ZNF662: variants seen among roughly 807,000 people sequenced by gnomAD.
ZNF662 encodes zinc finger protein 662.
A neutral mutation model predicts 12.4 loss-of-function variants in ZNF662; 14 were observed. That is an observed-to-expected ratio of 1.13 (90% CI 0.75 to 1.77). ZNF662 has a LOEUF of 1.77. Among genes scored for constraint, ZNF662 ranks in the 40% most tolerant of loss-of-function variants. The probability of loss-of-function intolerance (pLI) is 0.00; values close to 1 mark genes in which losing one functional copy is unlikely to be tolerated. For synonymous variants in ZNF662, 184 were observed against 176.4 expected (o/e 1.04, Z -0.34); for missense variants, 550 against 515.6 (o/e 1.07, Z -0.65).
In ZNF662 at chr3:42,917,593, T is replaced by A; in HGVS notation, c.*2239T>A. ...GACCAAGCTTTACCTGAAGCAGAGC[T>A]ACCTCAGAACTTTTCAGCTATGTGA... On this transcript the variant is annotated 3_prime_UTR_variant, in exon 5 of 5. Coordinates refer to ENST00000440367, the MANE Select transcript of ZNF662 (RefSeq NM_207404.4). 1.4e-6 allele frequency: 1 copy of A among 699,140 alleles called. No homozygotes were observed. Among genetic ancestry groups the A allele is most frequent in the Non-Finnish European group, 2.6e-6 (1 of 384,034 alleles). The allele number at this position is 699,140 out of a possible 1,614,324, so 43.3% of individuals were successfully genotyped here. A position where few individuals can be genotyped will look rare whatever the true frequency, so the allele number is the denominator to read the frequency against.
rs2088722290 is a variant in ZNF662 at position 42,908,792 on chromosome 3, G to A, written c.35-1G>A. ...GCCTGTCCCATTTCTTTCCTTTTAA[G>A]CAGCATTTCCATTTCCCAAACCGGC... On this transcript the variant is annotated splice_acceptor_variant, in intron 2 of 4. Transcript: ENST00000440367. LOFTEE classifies it high-confidence loss of function. 6.2e-7 allele frequency: 1 copy of A among 1,613,728 alleles called. No homozygotes were observed. The highest frequency in any genetic ancestry group is 8.5e-7 in the Non-Finnish European group (1 of 1,179,744).
intron 3 of ZNF662, 146 bp downstream of exon 3, chr3:42,909,055 CT>C (rs950185721): frequency 5.6e-6 from 3 of 537,894 alleles, no homozygotes; most frequent in Admixed American, 3.8e-5. Flanking sequence ...TTTATGTCTT[CT>C]TTTTTTAAAA....
intron 2 of ZNF662, 35 bp from the exon 3 acceptor site, chr3:42,908,758 C>T (rs1038897015): frequency 3.8e-6 from 6 of 1,599,022 alleles, no homozygotes; most frequent in Non-Finnish European, 5.1e-6. Context: ...TGTGCCATGC[C>T]ACTCACCTGC....
At position 42,906,660 on chromosome 3, in the gene ZNF662, CAG is replaced by C. The variant is rs2088684206; in HGVS notation, c.-94+495_-94+496del. Among the ~76,000 whole-genome samples, 1 of 151,822 alleles carries C rather than the reference CAG, an allele frequency of 6.6e-6. No individual in the cohort carries two copies. The highest frequency in any genetic ancestry group is 2.4e-5 in the African/African-American group (1 of 41,422). ...GAGCCGACTGCTGGGGCAGAGCGCA[CAG>C]AGTGCTGTCGGGGGCGATGAATGGC... On this transcript the variant is annotated intron_variant, in intron 1 of 4. Coordinates refer to ENST00000440367, the MANE Select transcript of ZNF662 (RefSeq NM_207404.4). The surrounding 1 kb of genome is among the most constrained non-coding windows in gnomAD (Gnocchi z 4.4).
chr3:42,910,168 C>T (rs141131042), intron 3 of ZNF662, among the ~76,000 whole-genome samples: 2 of 152,180 alleles, frequency 1.3e-5, no homozygotes, highest in South Asian at 2.1e-4. Flanking sequence ...CCGGCCAACA[C>T]GGCCAAACCC....
chr3:42,917,809 C>T lies in ZNF662; in HGVS notation c.*2455C>T, dbSNP rs1255273887. 1.3e-5 allele frequency among the ~76,000 whole-genome samples: 2 copies of T among 152,172 alleles called. No individual in the cohort carries two copies. The highest frequency in any genetic ancestry group is 2.9e-5 in the Non-Finnish European group (2 of 68,026). On this transcript the variant is annotated 3_prime_UTR_variant, in exon 5 of 5. Coordinates refer to ENST00000440367, the MANE Select transcript of ZNF662 (RefSeq NM_207404.4). ...TCTCAGTTGCTTGGAAGTTGAGCAT[C>T]TAAATAGGTGGCTTTTGCTGGGTGC...
chr3:42,910,914 G>C (rs1195068884), intron 3 of ZNF662, among the ~76,000 whole-genome samples: 3 of 152,170 alleles, frequency 2.0e-5, no homozygotes, highest in African/African-American at 7.2e-5. Flanking sequence ...TCATGTAACT[G>C]GGAAGTCTGA....
In ZNF662 at chr3:42,906,439, C is replaced by CG. The variant is rs1559379368; in HGVS notation, c.-94+274dup. ...ACAGCCCGCGCTGCCCCGGGCGCGC[C>CG]GGGTGAGTGCGGGGCCGGAGCCTGG... On this transcript the variant is annotated intron_variant, in intron 1 of 4. Coordinates refer to ENST00000440367, the MANE Select transcript of ZNF662 (RefSeq NM_207404.4). The surrounding 1 kb of genome is among the most constrained non-coding windows in gnomAD (Gnocchi z 4.4). 6.9e-7 allele frequency: 1 copy of CG among 1,455,724 alleles called. No homozygotes were observed. Among genetic ancestry groups the CG allele is most frequent in the Non-Finnish European group, 9.0e-7 (1 of 1,109,272 alleles). The allele number at this position is 1,455,724 out of a possible 1,614,324, so 90.2% of individuals were successfully genotyped here.
intron 3 of ZNF662, among the ~76,000 whole-genome samples, chr3:42,909,272 C>T (rs927428174): frequency 6.6e-6 from 1 of 151,996 alleles, no homozygotes; most frequent in Non-Finnish European, 1.5e-5. Flanking sequence ...TGACTCTTAA[C>T]GAGCATGCTT....
chr3:42,906,434 C>A lies in ZNF662; in HGVS notation c.-94+266C>A, dbSNP rs1334104943. The A allele has an allele frequency of 2.7e-6, 4 of 1,466,600 alleles. No individual in the cohort carries two copies. Among genetic ancestry groups the A allele is most frequent in the African/African-American group, 2.9e-5 (2 of 68,082 alleles). 90.8% of individuals were successfully genotyped at this position (1,466,600 alleles called of 1,614,324 possible). The stretch of plus-strand genomic sequence containing the variant: ...CCGGGACAGCCCGCGCTGCCCCGGG[C>A]GCGCCGGGTGAGTGCGGGGCCGGAG... On this transcript the variant is annotated intron_variant, in intron 1 of 4. Coordinates refer to ENST00000440367, the MANE Select transcript of ZNF662 (RefSeq NM_207404.4). The surrounding 1 kb of genome is among the most constrained non-coding windows in gnomAD (Gnocchi z 4.4).
chr3:42,906,580 TCGA>T lies in ZNF662; in HGVS notation c.-94+414_-94+416del. On this transcript the variant is annotated intron_variant, in intron 1 of 4. Coordinates refer to ENST00000440367, the MANE Select transcript of ZNF662 (RefSeq NM_207404.4). The surrounding 1 kb of genome is among the most constrained non-coding windows in gnomAD (Gnocchi z 4.4). ...TCGAGGGACAGGCAGCACAGCGGAG[TCGA>T]CACCCCTGGACCTGAGCCTCAAGGA... is the stretch of plus-strand genomic sequence containing the variant. The T allele has an allele frequency of 1.3e-6, 1 of 747,856 alleles. No homozygotes were observed. The highest frequency in any genetic ancestry group is 2.2e-5 in the South Asian group (1 of 45,904). 46.3% of individuals were successfully genotyped at this position (747,856 alleles called of 1,614,324 possible). A position where few individuals can be genotyped will look rare whatever the true frequency, so the allele number is the denominator to read the frequency against.
Position 42,915,645 on chromosome 3 carries a change from A to C in ZNF662, c.*291A>C, listed in dbSNP as rs2088889917. On this transcript the variant is annotated 3_prime_UTR_variant, in exon 5 of 5. Transcript: ENST00000440367. ...GTAGGTGCTCTTCTCCCCATTTTAC[A>C]AATGAGAAATCTGAGTTGAAAGAGG... 1 of 286,084 alleles carries C rather than the reference A, an allele frequency of 3.5e-6. No individual in the cohort carries two copies. Among genetic ancestry groups the C allele is most frequent in the African/African-American group, 2.2e-5 (1 of 46,086 alleles). 17.7% of individuals were successfully genotyped at this position (286,084 alleles called of 1,614,324 possible). A position where few individuals can be genotyped will look rare whatever the true frequency, so the allele number is the denominator to read the frequency against.
rs1229423381 is a variant in ZNF662, at chr3:42,916,723, G to A, written c.*1369G>A. On this transcript the variant is annotated 3_prime_UTR_variant, in exon 5 of 5. Transcript: ENST00000440367. The stretch of plus-strand genomic sequence containing the variant: ...TTATGAGATATCATTCTGGGATTGG[G>A]AATATGTAAACTCAACTGGAGATTT... The A allele has an allele frequency of 6.6e-6, 1 of 152,034 alleles. No homozygotes were observed. Among genetic ancestry groups the A allele is most frequent in the African/African-American group, 2.4e-5 (1 of 41,398 alleles). The allele number at this position is 152,034 out of a possible 1,614,324, so 9.4% of individuals were successfully genotyped here. A position where few individuals can be genotyped will look rare whatever the true frequency, so the allele number is the denominator to read the frequency against.
At position 42,912,693 on chromosome 3, in the gene ZNF662, A is replaced by ATATATT. The variant is rs377231571; in HGVS notation, c.152-507_152-506insATATTT. ...TTTTTATATATATAAATATATATAT[A>ATATATT]TTTTATATATATAAATATATATATA... On this transcript the variant is annotated intron_variant, in intron 3 of 4. Coordinates refer to ENST00000440367, the MANE Select transcript of ZNF662 (RefSeq NM_207404.4). Among the ~76,000 whole-genome samples the ATATATT allele has an allele frequency of 7.0e-4, 37 of 53,100 alleles. 1 individual carries two copies. Among genetic ancestry groups the ATATATT allele is most frequent in the South Asian group, 1.4e-3 (2 of 1,390 alleles). 34.8% of individuals were successfully genotyped at this position (53,100 alleles called of 152,430 possible).
intron 3 of ZNF662, among the ~76,000 whole-genome samples, chr3:42,910,044 G>C (rs904873659): frequency 6.6e-6 from 1 of 152,182 alleles, no homozygotes; most frequent in Non-Finnish European, 1.5e-5. Flanking sequence ...TCACGCCACT[G>C]CACTCCAGCC....
Position 42,917,670 on chromosome 3 carries a change from A to T in ZNF662, c.*2316A>T. 1 of 655,134 alleles carries T rather than the reference A, an allele frequency of 1.5e-6. No homozygotes were observed. The highest frequency in any genetic ancestry group is 2.7e-5 in the East Asian group (1 of 36,910). 40.6% of individuals were successfully genotyped at this position (655,134 alleles called of 1,614,324 possible). A position where few individuals can be genotyped will look rare whatever the true frequency, so the allele number is the denominator to read the frequency against. Reference sequence around the variant, plus strand: ...AGAGTTGAGTTTTCTGTTATTTGCAACTTAGCCACACTAATACTGTTTTGT... The same window carrying T: ...AGAGTTGAGTTTTCTGTTATTTGCATCTTAGCCACACTAATACTGTTTTGT... On this transcript the variant is annotated 3_prime_UTR_variant, in exon 5 of 5. Coordinates refer to ENST00000440367, the MANE Select transcript of ZNF662 (RefSeq NM_207404.4).
At chr3:42,908,698 C>A in intron 2 of ZNF662, 95 bp from the exon 3 acceptor site, 1 of 1,457,014 alleles carries the variant, frequency 6.9e-7, no homozygotes, top group Non-Finnish European at 9.2e-7. Context: ...CCGTTTTTTT[C>A]CCCTCCTACC....
At chr3:42,907,310 G>C (rs1559379591) in intron 1 of ZNF662, among the ~76,000 whole-genome samples, 1 of 152,168 alleles carries the variant, frequency 6.6e-6, no homozygotes, top group Non-Finnish European at 1.5e-5. Flanking sequence ...GGGGTGCAGG[G>C]AGTAAAGTCA....
Position 42,915,593 on chromosome 3 carries a change from A to G in ZNF662, c.*239A>G. ...ATCAGGTGCTAACCACTTTACATACATTAATTTGCATAACAATCCTATTAA... is the reference window on the plus strand; with the variant it reads ...ATCAGGTGCTAACCACTTTACATACGTTAATTTGCATAACAATCCTATTAA... On this transcript the variant is annotated 3_prime_UTR_variant, in exon 5 of 5. Coordinates refer to ENST00000440367, the MANE Select transcript of ZNF662 (RefSeq NM_207404.4). 1 of 423,504 alleles carries G rather than the reference A, an allele frequency of 2.4e-6. No individual in the cohort carries two copies. Among genetic ancestry groups the G allele is most frequent in the Non-Finnish European group, 4.2e-6 (1 of 240,938 alleles). The allele number at this position is 423,504 out of a possible 1,614,324, so 26.2% of individuals were successfully genotyped here.
Sources: gnomAD v4.1 joint callset for allele counts (sites outside exome capture counted in the v4.1 genomes callset) on GRCh38, gnomAD v4.1.1 for gene constraint, Gnocchi (gnomAD v3.1) non-coding constraint, MANE v1.5 for transcripts, NCBI Gene and HGNC (gene_info 2026-07-23, HGNC 2026-07-21) for gene names.